Variants in SPAG6 observed in about 807,000 individuals in gnomAD.
SPAG6 encodes sperm associated antigen 6, also known as sperm-associated antigen 6.
A neutral mutation model predicts 58.5 loss-of-function variants in SPAG6; 49 were observed. The ratio of observed to expected loss-of-function variants is 0.84; its 90% CI spans 0.67 to 1.06. The LOEUF (loss-of-function observed/expected upper bound fraction) is 1.06. Ranked by LOEUF, SPAG6 falls within the 50% of genes least tolerant of loss-of-function variation. The pLI, the probability that SPAG6 is intolerant of heterozygous loss-of-function variation, is 0.00. For missense variants in SPAG6, 560 were observed against 611.3 expected (o/e 0.92, Z 0.89); for synonymous variants, 233 against 225.6 (o/e 1.03, Z -0.29).
intron 8 of SPAG6, among the ~76,000 whole-genome samples, chr10:22,397,995 A>C (rs903931122): frequency 2.6e-5 from 4 of 152,234 alleles, no homozygotes; most frequent in African/African-American, 7.2e-5. Flanking sequence ...CCCCAATTTC[A>C]AAATGTACCA....
chr10:22,365,016 G>T lies in SPAG6; in HGVS notation c.285G>T (p.Gln95His). 6.4e-7 allele frequency: 1 copy of T among 1,573,376 alleles called. No homozygotes were observed. Among genetic ancestry groups the T allele is most frequent in the Non-Finnish European group, 8.6e-7 (1 of 1,163,562 alleles). Residue 95 changes from glutamine to histidine, a missense_variant, in exon 3 of 11, where the codon CAG (glutamine) becomes CAT (histidine). By Grantham distance (24) the Gln-to-His change is conservative. Coordinates refer to ENST00000376624, the MANE Select transcript of SPAG6 (RefSeq NM_012443.4). ...AGCTTGTTTATTCATTGGCAGAACAGAATGTAAGAATTAAAAAAAACTAGT... is the reference window on the plus strand; with the variant it reads ...AGCTTGTTTATTCATTGGCAGAACATAATGTAAGAATTAAAAAAAACTAGT... ...LPQLVYSLAE[Q>H]NRFYKKAAAF...
chr10:22,364,891 G>A lies in SPAG6; in HGVS notation c.160G>A (p.Val54Ile). Reference protein sequence around the residue: ...SLLRTLLLDVVPTIQQTAALA... With the variant: ...SLLRTLLLDVIPTIQQTAALA... Reference sequence around the variant, plus strand: ...GCTGAGAACTCTTCTTCTGGACGTGGTCCCAACAATTCAACAGACTGCTGC... The same window carrying A: ...GCTGAGAACTCTTCTTCTGGACGTGATCCCAACAATTCAACAGACTGCTGC... Residue 54 changes from valine to isoleucine, a missense_variant, in exon 3 of 11, where the codon GTC becomes ATC. Physicochemically the swap from Val to Ile is conservative, Grantham distance 29. Coordinates refer to ENST00000376624, the MANE Select transcript of SPAG6 (RefSeq NM_012443.4). 1 of 1,612,998 alleles carries A rather than the reference G, an allele frequency of 6.2e-7. No individual in the cohort carries two copies. Among genetic ancestry groups the A allele is most frequent in the Non-Finnish European group, 8.5e-7 (1 of 1,179,440 alleles).
intron 2 of SPAG6, among the ~76,000 whole-genome samples, chr10:22,355,685 C>A (rs1836845704): frequency 6.6e-6 from 1 of 152,020 alleles, no homozygotes; most frequent in Non-Finnish European, 1.5e-5. Context: ...GACTTTATGT[C>A]TGAAAAAGTA....
chr10:22,416,894 G>A lies in SPAG6; in HGVS notation c.*206G>A, dbSNP rs945410179. 5.0e-6 allele frequency: 2 copies of A among 403,402 alleles called. No homozygotes were observed. Among genetic ancestry groups the A allele is most frequent in the Non-Finnish European group, 9.0e-6 (2 of 221,522 alleles). 25.0% of individuals were successfully genotyped at this position (403,402 alleles called of 1,614,324 possible). A position where few individuals can be genotyped will look rare whatever the true frequency, so the allele number is the denominator to read the frequency against. Reference sequence around the variant, plus strand: ...TATTCATGGTCATTCGCATGCATAGGATTTGTTCTACAGGTAGATTTTAAA... The same window carrying A: ...TATTCATGGTCATTCGCATGCATAGAATTTGTTCTACAGGTAGATTTTAAA... On this transcript the variant is annotated 3_prime_UTR_variant, in exon 11 of 11. Transcript: ENST00000376624.
intron 2 of SPAG6, among the ~76,000 whole-genome samples, chr10:22,347,107 T>C (rs78715565): frequency 0.071 from 10,841 of 152,236 alleles, 562 homozygotes; most frequent in Non-Finnish European, 0.11. Context: ...ACAGTCAAGA[T>C]ACAGAACACT....
chr10:22,394,046 A>G (rs1372376460), intron 8 of SPAG6, among the ~76,000 whole-genome samples: 1 of 152,176 alleles, frequency 6.6e-6, no homozygotes, highest in African/African-American at 2.4e-5. Context: ...TTTTCTTTGG[A>G]GAAATATCTA....
intron 8 of SPAG6, among the ~76,000 whole-genome samples, chr10:22,396,911 A>G (rs980031729): frequency 6.6e-6 from 1 of 152,232 alleles, no homozygotes; most frequent in Non-Finnish European, 1.5e-5. Flanking sequence ...CATATATTGT[A>G]TCTAAGGATA....
At chr10:22,388,937 C>T (rs999257942) in intron 6 of SPAG6, among the ~76,000 whole-genome samples, 1 of 152,088 alleles carries the variant, frequency 6.6e-6, no homozygotes, top group Non-Finnish European at 1.5e-5. Context: ...GCCATCGATG[C>T]ATGAAAAATT....
At chr10:22,372,393 G>A (rs1833720152) in intron 4 of SPAG6, among the ~76,000 whole-genome samples, 1 of 152,204 alleles carries the variant, frequency 6.6e-6, no homozygotes, top group Admixed American at 6.5e-5. Context: ...GGTGCCTGGA[G>A]AGCCTGTGCC....
chr10:22,380,832 A>G (rs1833935856), intron 4 of SPAG6, among the ~76,000 whole-genome samples: 1 of 152,202 alleles, frequency 6.6e-6, no homozygotes, highest in African/African-American at 2.4e-5. Context: ...AAAAAAAATT[A>G]AAAAGCAATA....
At chr10:22,402,434 A>G (rs1345733907) in intron 9 of SPAG6, among the ~76,000 whole-genome samples, 1 of 152,206 alleles carries the variant, frequency 6.6e-6, no homozygotes, top group Non-Finnish European at 1.5e-5. Flanking sequence ...CCCTACAGAT[A>G]AGTTTGCCTA....
At chr10:22,360,683 T>C in intron 2 of SPAG6, 1 of 498,148 alleles carries the variant, frequency 2.0e-6, no homozygotes, top group Non-Finnish European at 3.4e-6. Flanking sequence ...ATTTTTAGTA[T>C]TGGATATAAT....
chr10:22,404,868 T>G (rs1236302289), intron 9 of SPAG6, among the ~76,000 whole-genome samples: 9 of 152,206 alleles, frequency 5.9e-5, no homozygotes, highest in African/African-American at 2.2e-4. Flanking sequence ...CCCTTGTAAG[T>G]TGGATTCCTA....
chr10:22,408,678 C>T (rs1442055559), intron 9 of SPAG6, among the ~76,000 whole-genome samples: 1 of 152,224 alleles, frequency 6.6e-6, no homozygotes, highest in East Asian at 1.9e-4. Context: ...TTGGAGCTTC[C>T]CAGCTGCTTT....
Position 22,416,975 on chromosome 10 carries a change from C to T in SPAG6, c.*287C>T, listed in dbSNP as rs542006596. 5 of 252,600 alleles carry T rather than the reference C, an allele frequency of 2.0e-5. No individual in the cohort carries two copies. The East Asian group carries it at 2.4e-4, about 12-fold the overall frequency. 15.6% of individuals were successfully genotyped at this position (252,600 alleles called of 1,614,324 possible). A position where few individuals can be genotyped will look rare whatever the true frequency, so the allele number is the denominator to read the frequency against. On this transcript the variant is annotated 3_prime_UTR_variant, in exon 11 of 11. Coordinates refer to ENST00000376624, the MANE Select transcript of SPAG6 (RefSeq NM_012443.4). ...TATTCTGTTAAAAACCACACACACT[C>T]GTACATGCAGACACCTCCAATGAGA...
In SPAG6 at chr10:22,401,146, G is replaced by T. The variant is rs757657280; in HGVS notation, c.1198-15G>T. 1 of 1,207,378 alleles carries T rather than the reference G, an allele frequency of 8.3e-7. No individual in the cohort carries two copies. Among genetic ancestry groups the T allele is most frequent in the Non-Finnish European group, 1.2e-6 (1 of 810,264 alleles). 74.8% of individuals were successfully genotyped at this position (1,207,378 alleles called of 1,614,324 possible). A position where few individuals can be genotyped will look rare whatever the true frequency, so the allele number is the denominator to read the frequency against. ...GATTACTTACTTATGTATACATTCT[G>T]CTTTGTATTTCTAGAGTAAAAAAGC... On this transcript the variant is annotated splice_polypyrimidine_tract_variant and intron_variant, in intron 8 of 10. Coordinates refer to ENST00000376624, the MANE Select transcript of SPAG6 (RefSeq NM_012443.4).
At chr10:22,399,275 AAGCC>A (rs1834359782) in intron 8 of SPAG6, among the ~76,000 whole-genome samples, 1 of 152,340 alleles carries the variant, frequency 6.6e-6, no homozygotes, top group Non-Finnish European at 1.5e-5. Flanking sequence ...TCCCAGAAGG[AAGCC>A]TCATGCCCAT....
intron 3 of SPAG6, among the ~76,000 whole-genome samples, chr10:22,365,748 A>G (rs1837180880): frequency 6.6e-6 from 1 of 152,202 alleles, no homozygotes; most frequent in African/African-American, 2.4e-5. Context: ...TGAAAAATCG[A>G]CAAAGGAATT....
rs1353353023 is a variant in SPAG6, at chr10:22,364,965, T to G, written c.234T>G (p.Ala78=). 6.2e-7 allele frequency: 1 copy of G among 1,613,294 alleles called. No individual in the cohort carries two copies. ...ATTATAATGATGACCTAGCAGAAGC[T>G]GTTGTGAAGTGCGACATTCTTCCAC... ...LANYNDDLAE[A]VVKCDILPQL... Residue 78 remains alanine (A), a synonymous_variant, in exon 3 of 11, where the codon GCT becomes GCG. Transcript: ENST00000376624.
Sources: gnomAD v4.1 joint callset for allele counts (sites outside exome capture counted in the v4.1 genomes callset) on GRCh38, gnomAD v4.1.1 for gene constraint, MANE v1.5 for transcripts, NCBI Gene and HGNC (gene_info 2026-07-23, HGNC 2026-07-21) for gene names.